The following SLC25A21 variants were observed in gnomAD, a reference collection of about 807,000 sequenced individuals.
SLC25A21 encodes the protein mitochondrial 2-oxodicarboxylate carrier.
SLC25A21 carries 47 observed loss-of-function variants against 43.8 expected under a neutral mutation model. The observed-to-expected ratio is 1.07, with a 90% CI of 0.85 to 1.37. The LOEUF (loss-of-function observed/expected upper bound fraction) is 1.37. Among genes scored for constraint, SLC25A21 ranks in the 40% most tolerant of loss-of-function variants. The probability of loss-of-function intolerance (pLI) is 0.00; values close to 1 mark genes in which losing one functional copy is unlikely to be tolerated. For missense variants in SLC25A21, 352 were observed against 350.2 expected, an observed-to-expected ratio of 1.00 and a Z score of -0.04; for synonymous variants, 131 against 121.3, an observed-to-expected ratio of 1.08 and a Z score of -0.52.
chr14:36,974,672 TG>T (rs1210176540), intron 1 of SLC25A21, among the ~76,000 whole-genome samples: 1 of 152,200 alleles, frequency 6.6e-6, no homozygotes, highest in Non-Finnish European at 1.5e-5. Context: ...TACTATATTA[TG>T]TTGAAGTTAC....
chr14:36,744,545 G>C (rs1885413236), intron 3 of SLC25A21, among the ~76,000 whole-genome samples: 1 of 142,166 alleles, frequency 7.0e-6, no homozygotes, highest in Non-Finnish European at 1.5e-5. Context: ...ACTCAAAATG[G>C]ATTACAGACT....
chr14:36,818,253 T>C (rs1041431291), intron 2 of SLC25A21, among the ~76,000 whole-genome samples: 5 of 152,270 alleles, frequency 3.3e-5, no homozygotes, highest in South Asian at 4.1e-4. Context: ...AGAAAGACTA[T>C]CTTGGAGCTA....
At chr14:37,123,852 C>T (rs1963252783) in intron 1 of SLC25A21, among the ~76,000 whole-genome samples, 2 of 151,844 alleles carry the variant, frequency 1.3e-5, no homozygotes, top group Admixed American at 6.6e-5. Flanking sequence ...AGTGAGAACT[C>T]GTCTCCATAA....
intron 7 of SLC25A21, among the ~76,000 whole-genome samples, chr14:36,698,057 G>A (rs1883115670): frequency 6.6e-6 from 1 of 152,130 alleles, no homozygotes; most frequent in East Asian, 1.9e-4. Context: ...GGTACCGGTT[G>A]TTTCTTTCCA....
intron 3 of SLC25A21, among the ~76,000 whole-genome samples, chr14:36,776,307 G>A (rs575383582): frequency 1.5e-5 from 2 of 137,880 alleles, no homozygotes; most frequent in Admixed American, 1.6e-4. Context: ...CTCGATCTCG[G>A]CTCACTGCAA....
intron 1 of SLC25A21, among the ~76,000 whole-genome samples, chr14:37,128,813 T>C (rs531588053): frequency 6.6e-6 from 1 of 152,110 alleles, no homozygotes; most frequent in East Asian, 1.9e-4. Flanking sequence ...GGTCTCAAAT[T>C]GCTGAGCTCA....
chr14:36,839,307 A>C (rs980790753), intron 2 of SLC25A21, among the ~76,000 whole-genome samples: 1 of 152,232 alleles, frequency 6.6e-6, no homozygotes, highest in African/African-American at 2.4e-5. Flanking sequence ...GGGGGCAATT[A>C]AGAAACATTC....
chr14:36,778,089 G>A (rs901390735), intron 3 of SLC25A21, among the ~76,000 whole-genome samples: 1 of 152,044 alleles, frequency 6.6e-6, no homozygotes, highest in East Asian at 1.9e-4. Context: ...CCCTCCCCTG[G>A]GCTACCACCT....
chr14:36,702,381 G>A (rs1193122786), intron 7 of SLC25A21, among the ~76,000 whole-genome samples: 1 of 142,322 alleles, frequency 7.0e-6, no homozygotes, highest in African/African-American at 2.6e-5. Context: ...GCTCATCCCT[G>A]TAATCCCAGC....
intron 1 of SLC25A21, among the ~76,000 whole-genome samples, chr14:36,943,115 T>G (rs559656181): frequency 6.6e-6 from 1 of 152,302 alleles, no homozygotes; most frequent in Non-Finnish European, 1.5e-5. Flanking sequence ...CTCTATAGTC[T>G]TCCCAATTGT....
chr14:37,107,296 T>C (rs1290150897), intron 1 of SLC25A21, among the ~76,000 whole-genome samples: 1 of 151,914 alleles, frequency 6.6e-6, no homozygotes, highest in Non-Finnish European at 1.5e-5. Context: ...TCCCACCTCA[T>C]TCTCCTGAGT....
At chr14:36,952,626 A>AAT (rs1408211285) in intron 1 of SLC25A21, among the ~76,000 whole-genome samples, 10 of 152,228 alleles carry the variant, frequency 6.6e-5, no homozygotes, top group African/African-American at 2.4e-4. Flanking sequence ...TAGACTTAAA[A>AAT]AAAGTCCCAC....
At chr14:36,692,768 A>G (rs1163844614) in intron 7 of SLC25A21, among the ~76,000 whole-genome samples, 2 of 152,246 alleles carry the variant, frequency 1.3e-5, no homozygotes, top group Admixed American at 1.3e-4. Context: ...GGTTGAGTAG[A>G]GGACAGCAAT....
Position 36,764,036 on chromosome 14 carries a change from A to AAAAGAAAGAAAGAAAGAAAGAAAG in SLC25A21, c.204-29487_204-29464dup, listed in dbSNP as rs759050826. Among the ~76,000 whole-genome samples, 74 of 25,642 alleles carry AAAAGAAAGAAAGAAAGAAAGAAAG rather than the reference A, an allele frequency of 2.9e-3. 9 individuals are homozygous for AAAAGAAAGAAAGAAAGAAAGAAAG. Among genetic ancestry groups the AAAAGAAAGAAAGAAAGAAAGAAAG allele is most frequent in the East Asian group, 5.3e-3 (2 of 374 alleles). 16.8% of individuals were successfully genotyped at this position (25,642 alleles called of 152,430 possible). On this transcript the variant is annotated intron_variant, in intron 3 of 9. Transcript: ENST00000331299. ...AGAGCAAGACTCTGTGAAAGAAAGA[A>AAAAGAAAGAAAGAAAGAAAGAAAG]AAAGAAAGAAAGAAAGAAAGAAAGA...
At chr14:36,750,358 G>A (rs1885660379) in intron 3 of SLC25A21, among the ~76,000 whole-genome samples, 1 of 152,106 alleles carries the variant, frequency 6.6e-6, no homozygotes, top group African/African-American at 2.4e-5. Flanking sequence ...CCAAGCTATG[G>A]TAATGAAGGC....
intron 1 of SLC25A21, among the ~76,000 whole-genome samples, chr14:37,112,181 G>T (rs777903698): frequency 6.6e-6 from 1 of 151,902 alleles, no homozygotes. Flanking sequence ...AAAGGTGATA[G>T]GGCAATACAT....
intron 1 of SLC25A21, among the ~76,000 whole-genome samples, chr14:37,108,848 C>A (rs983421066): frequency 3.3e-5 from 5 of 151,644 alleles, no homozygotes; most frequent in Non-Finnish European, 5.9e-5. Context: ...ATATTATATT[C>A]TTTTTATCTT....
At chr14:36,750,159 T>G (rs765376814) in intron 3 of SLC25A21, among the ~76,000 whole-genome samples, 9 of 152,220 alleles carry the variant, frequency 5.9e-5, no homozygotes, top group Non-Finnish European at 1.2e-4. Context: ...GTATCTGGCA[T>G]TTTGAACTAT....
At chr14:37,137,820 T>C (rs768521359) in intron 1 of SLC25A21, among the ~76,000 whole-genome samples, 33 of 152,178 alleles carry the variant, frequency 2.2e-4, no homozygotes, top group Non-Finnish European at 8.8e-5. Context: ...TCTACTACCA[T>C]TTAACATGTC....
Sources: allele counts gnomAD v4.1 joint callset (sites outside exome capture counted in the v4.1 genomes callset), GRCh38; gene constraint gnomAD v4.1.1; transcripts MANE v1.5; gene names NCBI Gene and HGNC (gene_info 2026-07-23, HGNC 2026-07-21).